Variants in PDPK1 observed in about 807,000 individuals in gnomAD.
PDPK1 encodes the protein 3-phosphoinositide-dependent protein kinase 1.
A neutral mutation model predicts 39.8 loss-of-function variants in PDPK1; 7 were observed. That is an observed-to-expected ratio of 0.18 (90% confidence interval 0.10 to 0.33). PDPK1 has a LOEUF of 0.33. PDPK1 is among the 10% of genes least tolerant of loss of function. The probability of loss-of-function intolerance (pLI) is 1.00; values close to 1 mark genes in which losing one functional copy is unlikely to be tolerated. For synonymous variants in PDPK1, 118 were observed against 159.1 expected (o/e 0.74, Z 1.95); for missense variants, 182 against 384.7 (o/e 0.47, Z 4.41).
At chr16:2,587,141 A>G (rs779948691) in intron 11 of PDPK1, among the ~76,000 whole-genome samples, 33 of 152,230 alleles carry the variant, frequency 2.2e-4, no homozygotes. Flanking sequence ...GGTTGTGGCC[A>G]TGGAGTCACT....
intron 6 of PDPK1, among the ~76,000 whole-genome samples, chr16:2,573,779 T>C (rs1214903996): frequency 1.5e-5 from 2 of 134,574 alleles, no homozygotes; most frequent in East Asian, 4.1e-4. Flanking sequence ...TTCCCTTTTT[T>C]TTCCTTTTTC....
At chr16:2,547,258 C>T (rs1174919667) in intron 1 of PDPK1, among the ~76,000 whole-genome samples, 2 of 146,378 alleles carry the variant, frequency 1.4e-5, no homozygotes, top group African/African-American at 2.8e-5. Flanking sequence ...TGAGGGCGAG[C>T]GCTAGGTTCG....
At chr16:2,543,668 T>C (rs2066280809) in intron 1 of PDPK1, among the ~76,000 whole-genome samples, 1 of 152,032 alleles carries the variant, frequency 6.6e-6, no homozygotes. Context: ...TTTCCCTACA[T>C]GGAAACCCCT....
intron 7 of PDPK1, chr16:2,579,452 C>T (rs1365253140): frequency 2.1e-5 from 2 of 94,484 alleles, no homozygotes; most frequent in Non-Finnish European, 4.2e-5. Flanking sequence ...AGGATCCTGC[C>T]CTCTTCGAAA....
chr16:2,594,242 T>A (rs1266635336), intron 11 of PDPK1: 1 of 152,292 alleles, frequency 6.6e-6, no homozygotes, highest in Non-Finnish European at 1.5e-5. Flanking sequence ...TATGCCTTCT[T>A]CAAATATAAA....
chr16:2,590,965 T>C (rs1393402397), intron 11 of PDPK1, among the ~76,000 whole-genome samples: 2 of 151,772 alleles, frequency 1.3e-5, no homozygotes, highest in African/African-American at 4.8e-5. Context: ...CTTTTTTTTT[T>C]TTTTTTTCTG....
chr16:2,595,557 A>G (rs1052395737), intron 11 of PDPK1, among the ~76,000 whole-genome samples: 1 of 152,182 alleles, frequency 6.6e-6, no homozygotes, highest in Non-Finnish European at 1.5e-5. Context: ...TGAGGGGGCA[A>G]CAGGCACTGT....
chr16:2,538,204 C>T (rs917930671), intron 1 of PDPK1, 68 bp downstream of exon 1: 28 of 903,066 alleles, frequency 3.1e-5, no homozygotes, highest in South Asian at 5.0e-5. Flanking sequence ...CCGCCCGGGT[C>T]CGGCGAGGCG....
In PDPK1 at chr16:2,588,030, G is replaced by A. The variant is rs577603072; in HGVS notation, c.1343+1137G>A. ...ATGCTGGAGTGGAAGCACAAGACGA[G>A]GGGGAGTTGAGGGCCTGGCTAGGCA... On this transcript the variant is annotated intron_variant, in intron 11 of 13. Transcript: ENST00000342085. 4.6e-5 allele frequency among the ~76,000 whole-genome samples: 7 copies of A among 152,304 alleles called. No individual in the cohort carries two copies. The South Asian group carries it at 1.2e-3, about 27-fold the overall frequency.
chr16:2,544,825 C>G (rs1405610517), intron 1 of PDPK1, among the ~76,000 whole-genome samples: 2 of 152,036 alleles, frequency 1.3e-5, no homozygotes, highest in Non-Finnish European at 2.9e-5. Flanking sequence ...ACCTCGTGAT[C>G]CGCCCACCTC....
chr16:2,578,017 G>T (rs1357525491), intron 7 of PDPK1, among the ~76,000 whole-genome samples: 1 of 148,796 alleles, frequency 6.7e-6, no homozygotes, highest in East Asian at 2.0e-4. Flanking sequence ...AGTTACAGGC[G>T]TGAGCCACCA....
intron 1 of PDPK1, chr16:2,539,590 G>A (rs772866961): frequency 5.3e-5 from 8 of 152,214 alleles, no homozygotes; most frequent in African/African-American, 1.7e-4. Context: ...AAGGAAGAAG[G>A]TTCAGCTGAG....
At chr16:2,545,922 C>CT (rs1420559510) in intron 1 of PDPK1, among the ~76,000 whole-genome samples, 21 of 152,158 alleles carry the variant, frequency 1.4e-4, no homozygotes, top group African/African-American at 4.8e-4. Context: ...CAGGCATGAG[C>CT]TACAGCAACC....
intron 11 of PDPK1, chr16:2,592,950 G>T: frequency 2.2e-6 from 1 of 456,730 alleles, no homozygotes; most frequent in Non-Finnish European, 4.4e-6. Context: ...CTGTCACTGA[G>T]CCACTCTGGG....
At chr16:2,585,340 G>A (rs1253259040) in intron 10 of PDPK1, among the ~76,000 whole-genome samples, 1 of 152,220 alleles carries the variant, frequency 6.6e-6, no homozygotes, top group Non-Finnish European at 1.5e-5. Context: ...CAGGCAGGGA[G>A]CTCCCAGGCC....
rs1250535889 is a variant in PDPK1, at chr16:2,580,156, T to C, written c.786-1139T>C. 7.5e-5 allele frequency among the ~76,000 whole-genome samples: 11 copies of C among 146,788 alleles called. 1 individual carries two copies. The highest frequency in any genetic ancestry group is 6.7e-4 in the Admixed American group (10 of 14,902). ...TTTTGAGCCCTGCATGATTATATAA[T>C]GGGCGCTTCCCCAGGTCATTGGAAT... On this transcript the variant is annotated intron_variant, in intron 7 of 13. Coordinates refer to ENST00000342085, the MANE Select transcript of PDPK1 (RefSeq NM_002613.5).
intron 1 of PDPK1, among the ~76,000 whole-genome samples, chr16:2,541,013 G>A (rs1332841264): frequency 6.6e-6 from 1 of 152,228 alleles, no homozygotes; most frequent in Admixed American, 6.5e-5. Flanking sequence ...GGCTGGTCTG[G>A]TGCATAGTGT....
Position 2,599,153 on chromosome 16 carries a change from T to C in PDPK1, c.*1386T>C, listed in dbSNP as rs28679688. 5,894 of 233,444 alleles carry C rather than the reference T, an allele frequency of 0.025. 342 individuals carry two copies. Among genetic ancestry groups the C allele is most frequent in the African/African-American group, 0.12 (5,443 of 45,452 alleles). 14.5% of individuals were successfully genotyped at this position (233,444 alleles called of 1,614,324 possible). The stretch of plus-strand genomic sequence containing the variant: ...CTACTCCCCAGGTAGAGAGTGCTCC[T>C]GGTGGCCTGGCAGGTCTGGGCCCTT... On this transcript the variant is annotated 3_prime_UTR_variant, in exon 14 of 14. Transcript: ENST00000342085.
chr16:2,545,957 G>A (rs2066336302), intron 1 of PDPK1, among the ~76,000 whole-genome samples: 1 of 152,124 alleles, frequency 6.6e-6, no homozygotes, highest in East Asian at 1.9e-4. Context: ...TAAAATATGA[G>A]GGTAGTTGTC....
Sources: gnomAD v4.1 joint callset for allele counts (sites outside exome capture counted in the v4.1 genomes callset) on GRCh38, gnomAD v4.1.1 for gene constraint, MANE v1.5 for transcripts, NCBI Gene and HGNC (gene_info 2026-07-23, HGNC 2026-07-21) for gene names.